GRIP2: variants seen among roughly 807,000 people sequenced by gnomAD.
GRIP2 encodes glutamate receptor-interacting protein 2.
In GRIP2, 58 loss-of-function variants were observed where a neutral mutation model predicts 108.3. That is an observed-to-expected ratio of 0.54 (90% confidence interval 0.43 to 0.67). The LOEUF is 0.67. GRIP2 is among the 30% of genes least tolerant of loss of function. The probability of loss-of-function intolerance (pLI) is 0.00; values close to 1 mark genes in which losing one functional copy is unlikely to be tolerated. For missense variants in GRIP2, 1,278 were observed against 1,430.6 expected, an observed-to-expected ratio of 0.89 and a Z score of 1.72; for synonymous variants, 586 against 598.2, an observed-to-expected ratio of 0.98 and a Z score of 0.30.
At chr3:14,508,478 G>A (rs1025491016) in intron 17 of GRIP2, among the ~76,000 whole-genome samples, 28 of 152,336 alleles carry the variant, frequency 1.8e-4, no homozygotes, top group Middle Eastern at 3.4e-3. Context: ...AGGAGGCAGA[G>A]GACTAGGGTC....
chr3:14,566,415 C>T, the GRIP2 span, among the ~76,000 whole-genome samples: 1 of 152,236 alleles, frequency 6.6e-6, no homozygotes, highest in Non-Finnish European at 1.5e-5. Context: ...CAGGAAGCCC[C>T]AGATGGTAGC....
In GRIP2 at chr3:14,514,284, A is replaced by T; in HGVS notation, c.1493+8T>A. 1 of 1,541,560 alleles carries T rather than the reference A, an allele frequency of 6.5e-7. No individual in the cohort carries two copies. On this transcript the variant is annotated splice_region_variant and intron_variant, in intron 12 of 23. Transcript: ENST00000621039. ...GCAGGCTCAGTAGGGAGGGGGCAGGAGGCTCACCTCTCAGCCGGACTGTCA... is the reference window on the plus strand; with the variant it reads ...GCAGGCTCAGTAGGGAGGGGGCAGGTGGCTCACCTCTCAGCCGGACTGTCA...
At chr3:14,577,893 G>C in the GRIP2 span, among the ~76,000 whole-genome samples, 2 of 152,338 alleles carry the variant, frequency 1.3e-5, no homozygotes, top group East Asian at 3.9e-4. Context: ...GCTAAGGATG[G>C]TGCAAACCCT....
rs758659394 is a variant in GRIP2, at chr3:14,505,711, G to T, written c.2477C>A (p.Pro826Gln). Residue 826 changes from proline to glutamine, a missense_variant, in exon 20 of 24, where the codon CCA becomes CAA. By Grantham distance (76) the Pro-to-Gln change is moderately conservative. Coordinates refer to ENST00000621039, the MANE Select transcript of GRIP2 (RefSeq NM_001080423.4). The surrounding 1 kb of genome is among the most constrained non-coding windows in gnomAD (Gnocchi z 4.2). ...RRPGWLRGSP[P>Q]PTEPRRTSYT... is the part of the protein sequence containing the mutation. ...GCTCGTCCTCCGGGGCTCGGTGGGT[G>T]GGGGGCTGCCCCTCAGCCAGCCAGG... 10 of 1,591,918 alleles carry T rather than the reference G, an allele frequency of 6.3e-6. No individual in the cohort carries two copies. Among genetic ancestry groups the T allele is most frequent in the Admixed American group, 1.8e-5 (1 of 56,712 alleles).
chr3:14,582,460 G>C, the GRIP2 span, among the ~76,000 whole-genome samples: 1 of 152,178 alleles, frequency 6.6e-6, no homozygotes, highest in Non-Finnish European at 1.5e-5. Flanking sequence ...AAATCACCAA[G>C]TCTTTCTAGC....
At chr3:14,599,685 CTGTGTG>C in the GRIP2 span, among the ~76,000 whole-genome samples, 5 of 127,564 alleles carry the variant, frequency 3.9e-5, no homozygotes, top group East Asian at 8.1e-4. Flanking sequence ...CTCTCTCTCT[CTGTGTG>C]TGTGTGTGTG....
In GRIP2 at chr3:14,521,775, C is replaced by T. The variant is rs1694417652; in HGVS notation, c.579G>A (p.Leu193=). The T allele has an allele frequency of 6.2e-7, 1 of 1,601,210 alleles. No individual in the cohort carries two copies. The highest frequency in any genetic ancestry group is 8.5e-7 in the Non-Finnish European group (1 of 1,174,538). Residue 193 remains leucine, a synonymous_variant, in exon 7 of 24, where the codon CTG becomes CTA. Coordinates refer to ENST00000621039, the MANE Select transcript of GRIP2 (RefSeq NM_001080423.4). This position sits in a 1 kb window ranked among gnomAD's most constrained non-coding sequence, Gnocchi z 5.1. ...CACTGAGCAGCCTGTCGCCCACCTT[C>T]AGGGAGCCCTCCCTGTAGGGAAGGG... The part of the protein sequence containing the change: ...PGGPADREGS[L]KVGDRLLSVD...
intron 9 of GRIP2, 146 bp from the exon 10 acceptor site, chr3:14,518,043 G>A (rs530029950): frequency 8.2e-6 from 8 of 970,690 alleles, no homozygotes; most frequent in Admixed American, 3.1e-5. Flanking sequence ...TGTCCCGGAC[G>A]CCTACAATGT....
the GRIP2 span, among the ~76,000 whole-genome samples, chr3:14,599,679 C>CTG: frequency 1.0e-2 from 1,066 of 106,996 alleles, 4 homozygotes; most frequent in Middle Eastern, 0.038. Flanking sequence ...CTCTCTCTCT[C>CTG]TCTCTCTGTG....
At chr3:14,527,725 A>G (rs1485922139) in intron 1 of GRIP2, among the ~76,000 whole-genome samples, 1 of 152,036 alleles carries the variant, frequency 6.6e-6, no homozygotes, top group Non-Finnish European at 1.5e-5. Flanking sequence ...GCAAAACCCC[A>G]TCTCTACTGA....
the GRIP2 span, chr3:14,574,217 G>A: frequency 1.2e-6 from 1 of 867,114 alleles, no homozygotes. Context: ...GCCTGTGGCT[G>A]TCCATGTCCT....
chr3:14,547,818 G>A (rs532658432), intron 1 of GRIP2, among the ~76,000 whole-genome samples: 1 of 152,320 alleles, frequency 6.6e-6, no homozygotes, highest in Admixed American at 6.5e-5. Context: ...GCAGCATTAA[G>A]CATCCAATCT....
intron 11 of GRIP2, among the ~76,000 whole-genome samples, chr3:14,514,942 G>C (rs566049642): frequency 3.0e-4 from 45 of 152,270 alleles, no homozygotes; most frequent in African/African-American, 9.9e-4. Flanking sequence ...CGATGCATTT[G>C]AGAACATTTC....
chr3:14,546,372 T>C (rs144819153), upstream of GRIP2, among the ~76,000 whole-genome samples: 58 of 152,230 alleles, frequency 3.8e-4, no homozygotes, highest in Admixed American at 7.2e-4. Context: ...ACTTCTATTT[T>C]GCAATGGCAA....
the GRIP2 span, among the ~76,000 whole-genome samples, chr3:14,563,165 C>T: frequency 6.6e-6 from 1 of 151,840 alleles, no homozygotes; most frequent in African/African-American, 2.4e-5. Context: ...AAATTGCACG[C>T]AGACTGGGTA....
chr3:14,507,459 TG>T lies in GRIP2; in HGVS notation c.2218+101del, dbSNP rs1446603470. Reference sequence around the variant, plus strand: ...CATCGCAGGCCCGCCTCCACAGGGCTGCAGTGAGGACTCTGTGAGGGTGTGC... The same window carrying T: ...CATCGCAGGCCCGCCTCCACAGGGCTCAGTGAGGACTCTGTGAGGGTGTGC... On this transcript the variant is annotated intron_variant, in intron 18 of 23. Coordinates refer to ENST00000621039, the MANE Select transcript of GRIP2 (RefSeq NM_001080423.4). The surrounding 1 kb of genome is among the most constrained non-coding windows in gnomAD (Gnocchi z 4.6). The T allele has an allele frequency of 2.1e-6, 3 of 1,411,642 alleles. No homozygotes were observed. Among genetic ancestry groups the T allele is most frequent in the Non-Finnish European group, 3.0e-6 (3 of 1,014,714 alleles). The allele number at this position is 1,411,642 out of a possible 1,614,324, so 87.4% of individuals were successfully genotyped here.
intron 16 of GRIP2, among the ~76,000 whole-genome samples, chr3:14,510,655 G>A (rs1436443429): frequency 6.6e-6 from 1 of 152,168 alleles, no homozygotes; most frequent in African/African-American, 2.4e-5. Flanking sequence ...GTGATTTGGA[G>A]GCTGCCCCTT....
At chr3:14,583,609 C>T in the GRIP2 span, among the ~76,000 whole-genome samples, 1 of 152,312 alleles carries the variant, frequency 6.6e-6, no homozygotes, top group East Asian at 1.9e-4. Context: ...CTGAGCACTG[C>T]TGGATGTGTG....
intron 9 of GRIP2, among the ~76,000 whole-genome samples, chr3:14,519,881 T>G (rs78739595): frequency 6.6e-6 from 1 of 152,194 alleles, no homozygotes; most frequent in Non-Finnish European, 1.5e-5. Flanking sequence ...AAACCAGCTT[T>G]GGGGCATCTA....
Sources: gnomAD v4.1 joint callset for allele counts (sites outside exome capture counted in the v4.1 genomes callset) on GRCh38, gnomAD v4.1.1 for gene constraint, Gnocchi (gnomAD v3.1) non-coding constraint, MANE v1.5 for transcripts, NCBI Gene and HGNC (gene_info 2026-07-23, HGNC 2026-07-21) for gene names.